The following CNTN3 variants were observed in gnomAD, a reference collection of about 807,000 sequenced individuals.
The protein encoded by CNTN3 is contactin 3.
CNTN3 carries 60 observed loss-of-function variants against 119.1 expected under a neutral mutation model. The observed-to-expected ratio is 0.50, with a 90% CI of 0.41 to 0.62. The LOEUF is 0.62. Ranked by LOEUF, CNTN3 falls within the 20% of genes least tolerant of loss-of-function variation. CNTN3 has a pLI of 0.00. For synonymous variants in CNTN3, 450 were observed against 438.7 expected, an observed-to-expected ratio of 1.03 and a Z score of -0.32; for missense variants, 1,101 against 1,242.4, an observed-to-expected ratio of 0.89 and a Z score of 1.71.
intron 19 of CNTN3, among the ~76,000 whole-genome samples, chr3:74,292,805 G>A (rs1433810544): frequency 1.3e-5 from 2 of 152,172 alleles, no homozygotes; most frequent in African/African-American, 4.8e-5. Context: ...CCTTACAGCT[G>A]TGCTCCTTCC....
chr3:74,541,978 A>G (rs1358560984), intron 1 of CNTN3, among the ~76,000 whole-genome samples: 1 of 152,148 alleles, frequency 6.6e-6, no homozygotes, highest in Admixed American at 6.5e-5. Flanking sequence ...TCATACTTGT[A>G]ACACCAGCAC....
intron 8 of CNTN3, among the ~76,000 whole-genome samples, 161 bp from the exon 9 acceptor site, chr3:74,365,863 GT>G (rs1461358837): frequency 6.6e-6 from 1 of 152,088 alleles, no homozygotes; most frequent in East Asian, 1.9e-4. Flanking sequence ...TATTCACTAA[GT>G]ATCTACTCAT....
In CNTN3 at chr3:74,293,544, G is replaced by A. The variant is rs148116485; in HGVS notation, c.2517+1577C>T. On this transcript the variant is annotated intron_variant, in intron 19 of 22. Coordinates refer to ENST00000263665, the MANE Select transcript of CNTN3 (RefSeq NM_020872.3). ...GGCTACAGTGCAATGGCAGGATGAC[G>A]GCTCACTGAAGCCTCGACCTCCTGG... 6.0e-3 allele frequency among the ~76,000 whole-genome samples: 912 copies of A among 152,238 alleles called. 8 individuals are homozygous for A. The highest frequency in any genetic ancestry group is 0.021 in the African/African-American group (858 of 41,552).
chr3:74,324,866 G>C (rs1382085200), intron 13 of CNTN3, among the ~76,000 whole-genome samples: 1 of 152,182 alleles, frequency 6.6e-6, no homozygotes, highest in Non-Finnish European at 1.5e-5. Flanking sequence ...CTCTGTGAAA[G>C]GTGGAGCCTG....
At position 74,614,453 on chromosome 3, in the gene CNTN3, G is replaced by GCCGCCGCCA. The variant is rs1705137573; in HGVS notation, c.-144_-143insTGGCGGCGG. On this transcript the variant is annotated 5_prime_UTR_variant, in exon 1 of 23. Transcript: ENST00000263665. ...CCCACTCGCCGCCGCCGCCGCCGCC[G>GCCGCCGCCA]CCGCCGCCGCCACCGCCGCCGCCGC... Among the ~76,000 whole-genome samples the GCCGCCGCCA allele has an allele frequency of 1.4e-5, 2 of 142,560 alleles. No individual in the cohort carries two copies. The highest frequency in any genetic ancestry group is 5.3e-5 in the African/African-American group (2 of 37,782). The allele number at this position is 142,560 out of a possible 152,430, so 93.5% of individuals were successfully genotyped here. A position where few individuals can be genotyped will look rare whatever the true frequency, so the allele number is the denominator to read the frequency against.
At chr3:74,341,958 A>G (rs1348234045) in intron 11 of CNTN3, among the ~76,000 whole-genome samples, 1 of 152,160 alleles carries the variant, frequency 6.6e-6, no homozygotes, top group Non-Finnish European at 1.5e-5. Flanking sequence ...CAGGAAGCAT[A>G]TCTCAGTGGA....
At chr3:74,355,700 G>A (rs747270248) in intron 11 of CNTN3, among the ~76,000 whole-genome samples, 30 of 151,900 alleles carry the variant, frequency 2.0e-4, no homozygotes, top group Non-Finnish European at 2.5e-4. Flanking sequence ...AATGATCGAC[G>A]TGCCTCGGCC....
At chr3:74,286,630 G>C (rs1288460935) in intron 19 of CNTN3, among the ~76,000 whole-genome samples, 1 of 151,920 alleles carries the variant, frequency 6.6e-6, no homozygotes, top group Non-Finnish European at 1.5e-5. Flanking sequence ...GAGAGACTGA[G>C]GAAAAACCAA....
intron 1 of CNTN3, among the ~76,000 whole-genome samples, chr3:74,529,598 G>T (rs1264865743): frequency 3.3e-5 from 5 of 151,702 alleles, no homozygotes; most frequent in African/African-American, 1.2e-4. Flanking sequence ...CCAGTAATCT[G>T]CCACAAAAAT....
chr3:74,455,089 T>C (rs971470062), intron 4 of CNTN3, among the ~76,000 whole-genome samples: 29 of 152,130 alleles, frequency 1.9e-4, no homozygotes, highest in African/African-American at 7.0e-4. Context: ...CTGGATAATA[T>C]CCTGCAGAGT....
At chr3:74,300,067 G>A in intron 16 of CNTN3, 129 bp from the exon 17 acceptor site, 1 of 478,694 alleles carries the variant, frequency 2.1e-6, no homozygotes, top group Admixed American at 4.1e-5. Context: ...ACATATGGGT[G>A]TTTATGTACA....
chr3:74,314,519 T>C (rs934612071), intron 13 of CNTN3, among the ~76,000 whole-genome samples: 1 of 152,170 alleles, frequency 6.6e-6, no homozygotes, highest in African/African-American at 2.4e-5. Context: ...TAATTTCAAA[T>C]ATAGCAGAAT....
intron 11 of CNTN3, among the ~76,000 whole-genome samples, chr3:74,338,159 T>C (rs1670221812): frequency 6.6e-6 from 1 of 152,072 alleles, no homozygotes; most frequent in Non-Finnish European, 1.5e-5. Context: ...AACCCCAGTA[T>C]CAGCATGGCG....
intron 1 of CNTN3, among the ~76,000 whole-genome samples, chr3:74,563,470 C>T (rs1433181675): frequency 1.3e-5 from 2 of 152,072 alleles, no homozygotes; most frequent in African/African-American, 2.4e-5. Flanking sequence ...TACAGTTACC[C>T]TAACATTCCT....
intron 2 of CNTN3, among the ~76,000 whole-genome samples, chr3:74,518,482 G>A (rs988821828): frequency 6.6e-6 from 1 of 151,822 alleles, no homozygotes; most frequent in Non-Finnish European, 1.5e-5. Context: ...AAATACTACA[G>A]AAGAAATGAC....
chr3:74,274,836 A>C (rs1475969452), intron 20 of CNTN3, among the ~76,000 whole-genome samples: 1 of 152,218 alleles, frequency 6.6e-6, no homozygotes. Flanking sequence ...GAATTCAGGA[A>C]GTTAGTTATT....
At chr3:74,353,574 G>A (rs1318788441) in intron 11 of CNTN3, among the ~76,000 whole-genome samples, 1 of 152,114 alleles carries the variant, frequency 6.6e-6, no homozygotes, top group African/African-American at 2.4e-5. Flanking sequence ...GGCTAACACG[G>A]TGAAACCCCG....
At chr3:74,405,312 T>A (rs1195986257) in intron 5 of CNTN3, among the ~76,000 whole-genome samples, 1 of 151,028 alleles carries the variant, frequency 6.6e-6, no homozygotes, top group Non-Finnish European at 1.5e-5. Flanking sequence ...AACAATATCA[T>A]ATAGATACAT....
At chr3:74,339,392 A>C (rs1703476343) in intron 11 of CNTN3, among the ~76,000 whole-genome samples, 1 of 151,938 alleles carries the variant, frequency 6.6e-6, no homozygotes, top group African/African-American at 2.4e-5. Context: ...TCTTTTAATG[A>C]CTTTTTTGCT....
Sources: gnomAD v4.1 joint callset for allele counts (sites outside exome capture counted in the v4.1 genomes callset) on GRCh38, gnomAD v4.1.1 for gene constraint, MANE v1.5 for transcripts, NCBI Gene and HGNC (gene_info 2026-07-23, HGNC 2026-07-21) for gene names.